HERC1: variants seen among roughly 807,000 people sequenced by gnomAD.
HERC1 encodes the protein HECT and RLD domain containing E3 ubiquitin protein ligase family member 1, also known as probable E3 ubiquitin-protein ligase HERC1.
HERC1 carries 160 observed loss-of-function variants against 554.3 expected under a neutral mutation model. The ratio of observed to expected loss-of-function variants is 0.29; its 90% CI spans 0.25 to 0.33. The LOEUF is 0.33. HERC1 is among the 10% of genes least tolerant of loss of function. The pLI, the probability that HERC1 is intolerant of heterozygous loss-of-function variation, is 1.00. For synonymous variants in HERC1, 2,175 were observed against 2,131.7 expected (o/e 1.02, Z -0.56); for missense variants, 4,919 against 5,918.5 (o/e 0.83, Z 5.54).
At chr15:63,714,786 A>C (rs2140277200) in intron 22 of HERC1, among the ~76,000 whole-genome samples, 1 of 151,864 alleles carries the variant, frequency 6.6e-6, no homozygotes, top group South Asian at 2.1e-4. Flanking sequence ...TGACCTCGTG[A>C]TCCGCCTGCC....
At chr15:63,661,213 A>G (rs1006197637) in intron 45 of HERC1, among the ~76,000 whole-genome samples, 188 bp from the exon 46 acceptor site, 1 of 152,246 alleles carries the variant, frequency 6.6e-6, no homozygotes, top group African/African-American at 2.4e-5. Context: ...TTACAAAATC[A>G]ATGATTATTT....
chr15:63,665,159 C>T (rs2070556662), intron 42 of HERC1, among the ~76,000 whole-genome samples: 2 of 152,034 alleles, frequency 1.3e-5, no homozygotes, highest in African/African-American at 4.8e-5. Context: ...AATCTTTTTA[C>T]ACTTAAAGGG....
At chr15:63,657,642 A>G (rs1408808167) in intron 48 of HERC1, among the ~76,000 whole-genome samples, 1 of 152,040 alleles carries the variant, frequency 6.6e-6, no homozygotes, top group Non-Finnish European at 1.5e-5. Flanking sequence ...TTGTATTCCA[A>G]TTTATCAATC....
At position 63,634,874 on chromosome 15, in the gene HERC1, G is replaced by C; in HGVS notation, c.12429C>G (p.Phe4143Leu). The stretch of plus-strand genomic sequence containing the variant: ...CTGAAGTGACCACTGCTGAGTGCTT[G>C]AAGCCACAAGACATCTAAGACAGAA... The part of the protein sequence containing the change: ...GEEVVQMSCG[F>L]KHSAVVTSDG... The change falls in exon 66 of 78, where the codon TTC becomes TTG. Residue 4143 changes from phenylalanine (F) to leucine (L), a missense_variant. By Grantham distance (22) the Phe-to-Leu change is conservative. Transcript: ENST00000443617. 1 of 1,613,072 alleles carries C rather than the reference G, an allele frequency of 6.2e-7. No homozygotes were observed. The highest frequency in any genetic ancestry group is 8.5e-7 in the Non-Finnish European group (1 of 1,179,528).
At chr15:63,636,511 T>C (rs758202158) in intron 64 of HERC1, among the ~76,000 whole-genome samples, 5 of 152,118 alleles carry the variant, frequency 3.3e-5, no homozygotes, top group Non-Finnish European at 7.3e-5. Context: ...CCTCAAGTGA[T>C]CCGCCCACCT....
chr15:63,618,578 A>G (rs1431149843), intron 74 of HERC1, among the ~76,000 whole-genome samples: 2 of 152,008 alleles, frequency 1.3e-5, no homozygotes, highest in East Asian at 1.9e-4. Flanking sequence ...CATTGAATCT[A>G]TAAATTACCT....
At chr15:63,764,010 G>C (rs1258797664) in intron 3 of HERC1, 86 bp downstream of exon 3, 3 of 708,688 alleles carry the variant, frequency 4.2e-6, no homozygotes, top group Admixed American at 2.5e-5. Context: ...CTTTTCCAGA[G>C]AAAATGGATT....
intron 69 of HERC1, among the ~76,000 whole-genome samples, chr15:63,629,151 T>A (rs1240171332): frequency 6.6e-6 from 1 of 152,150 alleles, no homozygotes; most frequent in Non-Finnish European, 1.5e-5. Context: ...GGTTTCACCA[T>A]CTTGGCCAGG....
At chr15:63,631,346 C>T (rs2068547188) in intron 68 of HERC1, among the ~76,000 whole-genome samples, 1 of 152,146 alleles carries the variant, frequency 6.6e-6, no homozygotes, top group Non-Finnish European at 1.5e-5. Flanking sequence ...AAATTCTACT[C>T]TCAAAAGCCA....
intron 40 of HERC1, among the ~76,000 whole-genome samples, chr15:63,668,314 C>T (rs1229735123): frequency 4.0e-5 from 6 of 151,884 alleles, no homozygotes; most frequent in African/African-American, 1.5e-4. Flanking sequence ...CAACATGGTA[C>T]GACCCTGTCT....
chr15:63,783,960 G>A (rs1442225483), intron 1 of HERC1, among the ~76,000 whole-genome samples: 1 of 151,920 alleles, frequency 6.6e-6, no homozygotes, highest in African/African-American at 2.4e-5. Flanking sequence ...CAGCTACTCG[G>A]GAGGCTGAGC....
Position 63,660,984 on chromosome 15 carries a change from C to G in HERC1, c.9212G>C (p.Ser3071Thr). ...QAPDLIGKQD[S>T]VYEEDWDMLD... ...TCAAAACAAACTACCTTCATACACACTGTCTTGCTTGCCAATTAGATCTGG... is the reference window on the plus strand; with the variant it reads ...TCAAAACAAACTACCTTCATACACAGTGTCTTGCTTGCCAATTAGATCTGG... The change falls in exon 46 of 78, where the codon AGT (serine) becomes ACT (threonine). Residue 3071 changes from serine to threonine, a missense_variant. By Grantham distance (58) the Ser-to-Thr change is moderately conservative. This residue lies in a region of HERC1 where 1,963 missense variants were observed against 2,228.6 expected (regional missense o/e 0.88). Transcript: ENST00000443617. 6.2e-7 allele frequency: 1 copy of G among 1,608,586 alleles called. No homozygotes were observed. Among genetic ancestry groups the G allele is most frequent in the East Asian group, 2.2e-5 (1 of 44,824 alleles).
chr15:63,710,789 T>A (rs551517917), intron 24 of HERC1, among the ~76,000 whole-genome samples: 67 of 152,180 alleles, frequency 4.4e-4, no homozygotes, highest in Non-Finnish European at 2.2e-4. Context: ...GCAATAGCAT[T>A]CCAGTCCTAA....
chr15:63,771,783 T>C (rs1195219562), intron 2 of HERC1, among the ~76,000 whole-genome samples: 1 of 151,978 alleles, frequency 6.6e-6, no homozygotes, highest in Non-Finnish European at 1.5e-5. Flanking sequence ...AGCTATATTA[T>C]AGGGTATGGC....
chr15:63,651,471 C>G, intron 52 of HERC1, 91 bp from the exon 53 acceptor site: 1 of 1,242,940 alleles, frequency 8.0e-7, no homozygotes, highest in Non-Finnish European at 1.1e-6. Context: ...TTCATATAGA[C>G]TAGAGTGTAT....
At chr15:63,668,008 G>A (rs894471701) in intron 40 of HERC1, among the ~76,000 whole-genome samples, 1 of 152,150 alleles carries the variant, frequency 6.6e-6, no homozygotes, top group Non-Finnish European at 1.5e-5. Flanking sequence ...CAACTGTTCA[G>A]GGGGTTGGTG....
intron 1 of HERC1, among the ~76,000 whole-genome samples, chr15:63,817,715 A>T (rs925520403): frequency 6.6e-6 from 1 of 152,180 alleles, no homozygotes; most frequent in Non-Finnish European, 1.5e-5. Flanking sequence ...ACTCTGTCTC[A>T]AATAATAATA....
intron 1 of HERC1, among the ~76,000 whole-genome samples, chr15:63,799,630 T>C (rs1406411993): frequency 2.0e-5 from 3 of 152,148 alleles, no homozygotes; most frequent in Non-Finnish European, 4.4e-5. Context: ...AGATCAGTTA[T>C]TAAGGGACTA....
At chr15:63,634,397 A>G (rs371715992) in intron 66 of HERC1, among the ~76,000 whole-genome samples, 6 of 152,236 alleles carry the variant, frequency 3.9e-5, no homozygotes, top group South Asian at 4.1e-4. Context: ...CAATTCAGCC[A>G]TACAACTCAA....
Sources: gnomAD v4.1 joint callset for allele counts (sites outside exome capture counted in the v4.1 genomes callset) on GRCh38, gnomAD v4.1.1 for gene constraint, gnomAD v4.1.1 regional missense constraint, MANE v1.5 for transcripts, NCBI Gene and HGNC (gene_info 2026-07-23, HGNC 2026-07-21) for gene names.